Variants in ADAMTS18 observed in about 807,000 individuals in gnomAD.
ADAMTS18 encodes A disintegrin and metalloproteinase with thrombospondin motifs 18.
In ADAMTS18, 157 loss-of-function variants were observed where a neutral mutation model predicts 165.9. The observed-to-expected ratio is 0.95, with a 90% CI of 0.83 to 1.08. ADAMTS18 has a LOEUF of 1.08. Among genes scored for constraint, ADAMTS18 ranks in the 50% least tolerant of loss-of-function variants. ADAMTS18 has a pLI of 0.00. For missense variants in ADAMTS18, 2,040 were observed against 1,534.0 expected, an observed-to-expected ratio of 1.33 and a Z score of -5.51; for synonymous variants, 782 against 578.2, an observed-to-expected ratio of 1.35 and a Z score of -5.06.
chr16:77,314,649 G>GTGTGTGTGTGTGTGTGTGTGTGTA (rs10527824), intron 16 of ADAMTS18, among the ~76,000 whole-genome samples: 1 of 126,476 alleles, frequency 7.9e-6, no homozygotes, highest in African/African-American at 3.1e-5. Context: ...GTGTGTGTGT[G>GTGTGTGTGTGTGTGTGTGTGTGTA]TATATATATA....
At chr16:77,287,048 G>C (rs2055267261) in intron 22 of ADAMTS18, among the ~76,000 whole-genome samples, 2 of 152,100 alleles carry the variant, frequency 1.3e-5, no homozygotes, top group Non-Finnish European at 2.9e-5. Context: ...GACACTGGAT[G>C]ACAGGAGGAT....
rs147610159 is a variant in ADAMTS18, at chr16:77,391,426, A to T, written c.496-23703T>A. Among the ~76,000 whole-genome samples the T allele has an allele frequency of 6.6e-5, 10 of 151,740 alleles. No homozygotes were observed. In the East Asian group the frequency reaches 1.9e-3, roughly 30 times the overall value. ...GAATCGCTTGAACCTGGGAGGTGGA[A>T]GTTGCAGTTAAGTCGAGATCACACC... On this transcript the variant is annotated intron_variant, in intron 3 of 22. Coordinates refer to ENST00000282849, the MANE Select transcript of ADAMTS18 (RefSeq NM_199355.4).
chr16:77,307,727 G>A (rs2055706747), intron 16 of ADAMTS18, among the ~76,000 whole-genome samples: 1 of 152,088 alleles, frequency 6.6e-6, no homozygotes, highest in Non-Finnish European at 1.5e-5. Context: ...CTTCTTTTGT[G>A]TCTTGTGTCT....
chr16:77,423,111 G>T (rs777269197), intron 3 of ADAMTS18, among the ~76,000 whole-genome samples: 54 of 152,162 alleles, frequency 3.5e-4, no homozygotes, highest in Admixed American at 2.0e-4. Context: ...CAAGTGCTCA[G>T]GTCCTTTTGA....
intron 22 of ADAMTS18, among the ~76,000 whole-genome samples, chr16:77,284,426 C>G (rs1567449422): frequency 6.6e-6 from 1 of 152,056 alleles, no homozygotes; most frequent in Non-Finnish European, 1.5e-5. Context: ...CCGGGCCCAG[C>G]CTTTGGTGAT....
In ADAMTS18 at chr16:77,431,586, T is replaced by C; in HGVS notation, c.204A>G (p.Glu68=). The change falls in exon 3 of 23, where the codon GAA becomes GAG. Residue 68 remains glutamate, a synonymous_variant. Coordinates refer to ENST00000282849, the MANE Select transcript of ADAMTS18 (RefSeq NM_199355.4). ...NDDYVFVTPV[E]VDSAGSYISH... is the part of the protein sequence containing the mutation. ...AAATATATGACCCGGCTGAGTCTAC[T>C]TCTACTGGCGTGACAAAGACGTAAT... is the stretch of plus-strand genomic sequence containing the variant. 1.2e-6 allele frequency: 2 copies of C among 1,614,160 alleles called. No individual in the cohort carries two copies. The highest frequency in any genetic ancestry group is 1.7e-6 in the Non-Finnish European group (2 of 1,180,024).
At chr16:77,312,383 G>A (rs11640766) in intron 16 of ADAMTS18, among the ~76,000 whole-genome samples, 35,789 of 151,770 alleles carry the variant, frequency 0.24, 4,899 homozygotes, top group East Asian at 0.62. Flanking sequence ...GATTATAGGC[G>A]CCCGCCACCA....
chr16:77,348,780 A>G (rs1231698502), intron 10 of ADAMTS18, among the ~76,000 whole-genome samples: 1 of 152,244 alleles, frequency 6.6e-6, no homozygotes, highest in Admixed American at 6.5e-5. Context: ...AGTTTATAAA[A>G]GGGACACATA....
chr16:77,296,363 T>G (rs566654234), intron 18 of ADAMTS18, among the ~76,000 whole-genome samples: 1 of 152,314 alleles, frequency 6.6e-6, no homozygotes, highest in South Asian at 2.1e-4. Flanking sequence ...TTATTTTGTG[T>G]CTTGCTACTG....
At chr16:77,359,797 A>G (rs181156821) in intron 7 of ADAMTS18, among the ~76,000 whole-genome samples, 2 of 152,314 alleles carry the variant, frequency 1.3e-5, no homozygotes, top group Non-Finnish European at 2.9e-5. Flanking sequence ...AGCAAAACCA[A>G]TGCAAAATGC....
chr16:77,349,129 C>T (rs2056518702), intron 10 of ADAMTS18, among the ~76,000 whole-genome samples: 1 of 152,084 alleles, frequency 6.6e-6, no homozygotes, highest in Admixed American at 6.6e-5. Flanking sequence ...TAATTATTCT[C>T]CATTCATTAA....
At chr16:77,411,123 T>C (rs988058399) in intron 3 of ADAMTS18, among the ~76,000 whole-genome samples, 3 of 152,218 alleles carry the variant, frequency 2.0e-5, no homozygotes, top group African/African-American at 7.2e-5. Context: ...ATTGTGATGC[T>C]TGATGCTTAT....
chr16:77,338,905 G>A (rs1026904709), intron 11 of ADAMTS18, among the ~76,000 whole-genome samples: 2 of 146,054 alleles, frequency 1.4e-5, no homozygotes, highest in Non-Finnish European at 3.0e-5. Flanking sequence ...AGTGAGCCAA[G>A]ATCATGCCAC....
chr16:77,384,739 T>C (rs1407790707), intron 3 of ADAMTS18, among the ~76,000 whole-genome samples: 1 of 152,154 alleles, frequency 6.6e-6, no homozygotes, highest in East Asian at 1.9e-4. Context: ...GACAAAAATT[T>C]AGACAAGAAG....
At chr16:77,355,134 C>G (rs1483146423) in intron 9 of ADAMTS18, among the ~76,000 whole-genome samples, 3 of 151,418 alleles carry the variant, frequency 2.0e-5, no homozygotes, top group Non-Finnish European at 4.4e-5. Flanking sequence ...TCACTAACAT[C>G]TGTTCAAAGA....
chr16:77,291,420 C>A lies in ADAMTS18; in HGVS notation c.3248G>T (p.Gly1083Val), dbSNP rs753229266. The A allele has an allele frequency of 3.1e-6, 5 of 1,614,158 alleles. No homozygotes were observed. In the Admixed American group the frequency reaches 5.0e-5, roughly 16 times the overall value. Residue 1083 changes from glycine (G) to valine (V), a missense_variant, in exon 21 of 23, where the codon GGC (glycine) becomes GTC (valine). Transcript: ENST00000282849. ...GAAAGTTATCAGCTTTCCCTGGAAG[C>A]CCTTCTCGCTGCACTTCATCTCCCT... ...RKREMKCSEK[G>V]FQGKLITFPE... is the part of the protein sequence containing the mutation.
At chr16:77,423,402 T>C (rs1351136652) in intron 3 of ADAMTS18, among the ~76,000 whole-genome samples, 2 of 152,188 alleles carry the variant, frequency 1.3e-5, no homozygotes, top group Admixed American at 6.5e-5. Context: ...TATATCATTA[T>C]CACAACTGAT....
At chr16:77,288,794 T>A (rs974351014) in intron 22 of ADAMTS18, among the ~76,000 whole-genome samples, 6 of 152,198 alleles carry the variant, frequency 3.9e-5, no homozygotes, top group Non-Finnish European at 8.8e-5. Context: ...CAATTAAATA[T>A]TCCCTTCAGA....
intron 16 of ADAMTS18, among the ~76,000 whole-genome samples, chr16:77,316,037 C>G (rs2055880738): frequency 6.6e-6 from 1 of 152,184 alleles, no homozygotes; most frequent in Admixed American, 6.5e-5. Context: ...TCTCTCACAT[C>G]TTTCTCCCTC....
Sources: gnomAD v4.1 joint callset for allele counts (sites outside exome capture counted in the v4.1 genomes callset) on GRCh38, gnomAD v4.1.1 for gene constraint, MANE v1.5 for transcripts, NCBI Gene and HGNC (gene_info 2026-07-23, HGNC 2026-07-21) for gene names.